Variants in TAFA1 observed in about 807,000 individuals in gnomAD.
TAFA1 encodes chemokine-like protein TAFA-1.
A neutral mutation model predicts 18.5 loss-of-function variants in TAFA1; 4 were observed. That is an observed-to-expected ratio of 0.22 (90% CI 0.11 to 0.49). TAFA1 has a LOEUF of 0.49. Ranked by LOEUF, TAFA1 falls within the 20% of genes least tolerant of loss-of-function variation. The pLI, the probability that TAFA1 is intolerant of heterozygous loss-of-function variation, is 0.98. For synonymous variants in TAFA1, 56 were observed against 55.2 expected (o/e 1.01, Z -0.06); for missense variants, 147 against 169.0 (o/e 0.87, Z 0.72).
intron 2 of TAFA1, among the ~76,000 whole-genome samples, chr3:68,386,427 A>G (rs1401965347): frequency 6.6e-6 from 1 of 152,142 alleles, no homozygotes; most frequent in East Asian, 1.9e-4. Flanking sequence ...TGTCTCTAGT[A>G]TCCTATGTAG....
Position 68,206,145 on chromosome 3 carries a change from G to T in TAFA1, c.118+199401G>T, listed in dbSNP as rs1312018767. Among the ~76,000 whole-genome samples, 4 of 151,808 alleles carry T rather than the reference G, an allele frequency of 2.6e-5. No individual in the cohort carries two copies. The East Asian group carries it at 7.8e-4, about 30-fold the overall frequency. ...GTCTTTGGTGAATGCTAAAGAATTTGGGGGTAGGTTTTAAACTATGTCAAT... is the reference window on the plus strand; with the variant it reads ...GTCTTTGGTGAATGCTAAAGAATTTTGGGGTAGGTTTTAAACTATGTCAAT... On this transcript the variant is annotated intron_variant, in intron 2 of 4. Transcript: ENST00000478136.
intron 3 of TAFA1, among the ~76,000 whole-genome samples, chr3:68,472,404 C>T (rs2072014099): frequency 6.6e-6 from 1 of 151,888 alleles, no homozygotes; most frequent in African/African-American, 2.4e-5. Context: ...TATAAATTAC[C>T]CAGTCCTGTG....
intron 2 of TAFA1, among the ~76,000 whole-genome samples, chr3:68,292,411 CA>C (rs1355551511): frequency 9.8e-4 from 49 of 50,036 alleles, no homozygotes; most frequent in East Asian, 1.4e-3. Context: ...GAGACTCTGT[CA>C]AAAAAAAAAA....
intron 2 of TAFA1, among the ~76,000 whole-genome samples, chr3:68,333,971 T>A (rs1559621803): frequency 6.6e-6 from 1 of 152,168 alleles, no homozygotes; most frequent in East Asian, 1.9e-4. Flanking sequence ...TAGAAACAAG[T>A]AAGACTGTGG....
chr3:68,373,920 T>G (rs2069761067), intron 2 of TAFA1, among the ~76,000 whole-genome samples: 1 of 152,186 alleles, frequency 6.6e-6, no homozygotes, highest in Non-Finnish European at 1.5e-5. Context: ...CTAGAGCTCC[T>G]TTCTGTATTG....
intron 2 of TAFA1, among the ~76,000 whole-genome samples, chr3:68,040,524 G>T (rs1415579837): frequency 6.6e-6 from 1 of 152,140 alleles, no homozygotes; most frequent in Non-Finnish European, 1.5e-5. Context: ...CGACTAAAGA[G>T]AATGTAATTT....
intron 2 of TAFA1, among the ~76,000 whole-genome samples, chr3:68,201,105 T>G (rs1219974236): frequency 6.6e-6 from 1 of 151,706 alleles, no homozygotes; most frequent in East Asian, 1.9e-4. Flanking sequence ...CAAAATATTT[T>G]AAAATTTATC....
At chr3:68,495,998 C>CAA (rs199520960) in intron 3 of TAFA1, among the ~76,000 whole-genome samples, 27 of 107,558 alleles carry the variant, frequency 2.5e-4, no homozygotes, top group South Asian at 6.5e-4. Flanking sequence ...TTCCCTGAAG[C>CAA]AAAAAAAAAA....
intron 2 of TAFA1, chr3:68,145,064 G>A (rs1380154087): frequency 2.1e-5 from 34 of 1,592,720 alleles, no homozygotes; most frequent in African/African-American, 4.0e-5. Flanking sequence ...GGATCAGTGC[G>A]AGAACCAGGA....
intron 2 of TAFA1, among the ~76,000 whole-genome samples, chr3:68,308,009 G>A (rs955459218): frequency 6.6e-6 from 1 of 152,002 alleles, no homozygotes; most frequent in African/African-American, 2.4e-5. Flanking sequence ...GCCAAGTGTT[G>A]AATAAATATG....
At chr3:68,034,680 A>G (rs1575584458) in intron 2 of TAFA1, among the ~76,000 whole-genome samples, 1 of 152,156 alleles carries the variant, frequency 6.6e-6, no homozygotes, top group Non-Finnish European at 1.5e-5. Flanking sequence ...TTGCTTGGTG[A>G]GGAGGAACAT....
intron 2 of TAFA1, among the ~76,000 whole-genome samples, chr3:68,196,236 G>C (rs2066408268): frequency 6.6e-6 from 1 of 151,666 alleles, no homozygotes. Context: ...CTTCAAAAGT[G>C]GTAAAATGGA....
At chr3:68,258,791 T>C (rs1196473216) in intron 2 of TAFA1, among the ~76,000 whole-genome samples, 3 of 152,220 alleles carry the variant, frequency 2.0e-5, no homozygotes, top group East Asian at 3.8e-4. Context: ...ACTTTCTTCC[T>C]TGGGATGTCA....
intron 2 of TAFA1, among the ~76,000 whole-genome samples, chr3:68,194,744 C>G (rs1224604620): frequency 6.6e-6 from 1 of 151,608 alleles, no homozygotes; most frequent in Non-Finnish European, 1.5e-5. Flanking sequence ...CAACTTAGGA[C>G]AAAATACTTC....
chr3:68,283,998 G>C (rs562937501), intron 2 of TAFA1, among the ~76,000 whole-genome samples: 4 of 152,208 alleles, frequency 2.6e-5, no homozygotes, highest in African/African-American at 9.6e-5. Context: ...AATGGAGAAT[G>C]CCTGTTGCTC....
chr3:68,061,014 C>G (rs938465171), intron 2 of TAFA1, among the ~76,000 whole-genome samples: 3 of 152,174 alleles, frequency 2.0e-5, no homozygotes, highest in Non-Finnish European at 4.4e-5. Flanking sequence ...TGTGTACTCT[C>G]TTTCTTGCTG....
chr3:68,080,476 G>A (rs568905782), intron 2 of TAFA1, among the ~76,000 whole-genome samples: 2 of 152,028 alleles, frequency 1.3e-5, no homozygotes, highest in East Asian at 1.9e-4. Context: ...CATGTTTAGC[G>A]CTTCCTTCAG....
chr3:68,218,495 C>A (rs1440698688), intron 2 of TAFA1, among the ~76,000 whole-genome samples: 1 of 152,050 alleles, frequency 6.6e-6, no homozygotes, highest in Non-Finnish European at 1.5e-5. Flanking sequence ...GTCTCACAGT[C>A]ATCACCACTC....
chr3:68,425,382 T>C (rs1469776079), intron 3 of TAFA1, among the ~76,000 whole-genome samples: 2 of 151,926 alleles, frequency 1.3e-5, no homozygotes, highest in African/African-American at 2.4e-5. Flanking sequence ...GTTTAGTAGA[T>C]GGAATGCTGA....
Sources: allele counts gnomAD v4.1 joint callset (sites outside exome capture counted in the v4.1 genomes callset), GRCh38; gene constraint gnomAD v4.1.1; transcripts MANE v1.5; gene names NCBI Gene and HGNC (gene_info 2026-07-23, HGNC 2026-07-21).